NR1D1: variants seen among roughly 807,000 people sequenced by gnomAD.
The protein encoded by NR1D1 is nuclear receptor subfamily 1 group D member 1, also known as Rev-ErbAalpha.
In NR1D1, 17 loss-of-function variants were observed where a neutral mutation model predicts 51.1. The ratio of observed to expected loss-of-function variants is 0.33; its 90% CI spans 0.23 to 0.50. The LOEUF (loss-of-function observed/expected upper bound fraction) is 0.50, where lower values mean the gene tolerates loss of function less well. Among genes scored for constraint, NR1D1 ranks in the 20% least tolerant of loss-of-function variants. The pLI is 0.98. For synonymous variants in NR1D1, 341 were observed against 333.4 expected (o/e 1.02, Z -0.25); for missense variants, 647 against 830.4 (o/e 0.78, Z 2.71).
At chr17:40,098,687 T>C (rs1386733521) in intron 1 of NR1D1, among the ~76,000 whole-genome samples, 2 of 152,112 alleles carry the variant, frequency 1.3e-5, no homozygotes, top group African/African-American at 4.8e-5. Flanking sequence ...TTTTCCTTTC[T>C]GTGAGAAAAA....
At chr17:40,099,889 T>C (rs1987842923) in intron 1 of NR1D1, among the ~76,000 whole-genome samples, 175 bp downstream of exon 1, 2 of 151,956 alleles carry the variant, frequency 1.3e-5, no homozygotes, top group African/African-American at 4.8e-5. Flanking sequence ...TCTGAGAGCA[T>C]TTCCAGCCCG....
At chr17:40,096,184 G>C in intron 4 of NR1D1, 97 bp from the exon 5 acceptor site, 2 of 1,499,630 alleles carry the variant, frequency 1.3e-6, no homozygotes, top group South Asian at 1.3e-5. Context: ...CTGAAGGCTT[G>C]GGGTTTCACA....
chr17:40,097,186 G>A lies in NR1D1; in HGVS notation c.249C>T (p.Ser83=), dbSNP rs1213267814. 5 of 1,611,750 alleles carry A rather than the reference G, an allele frequency of 3.1e-6. No homozygotes were observed. Among genetic ancestry groups the A allele is most frequent in the African/African-American group, 1.3e-5 (1 of 74,886 alleles). Residue 83 remains serine, a synonymous_variant, in exon 2 of 8, where the codon TCC becomes TCT. Transcript: ENST00000246672. ...AGGAGGATGACGACGAGGAAGATGA[G>A]GAAGAAGGGGAGCCGTCATCACTCA... ...PSLSDDGSPS[S]SSSSSSSSSS...
intron 1 of NR1D1, among the ~76,000 whole-genome samples, chr17:40,098,503 GT>G (rs1987808108): frequency 6.6e-6 from 1 of 152,210 alleles, no homozygotes; most frequent in African/African-American, 2.4e-5. Context: ...TTAGTTGGCA[GT>G]AAATGAAGTT....
rs200489017 is a variant in NR1D1, at chr17:40,096,496, C to T, written c.551G>A (p.Arg184His). The change falls in exon 4 of 8, where the codon CGC becomes CAC. Residue 184 changes from arginine to histidine, a missense_variant. By Grantham distance (29) the Arg-to-His change is conservative. Around this residue, in one of 7 missense-constraint regions of NR1D1, gnomAD observed 70 missense variants for 134.8 expected, o/e 0.52. Transcript: ENST00000246672. The stretch of plus-strand genomic sequence containing the variant: ...CTTCTTGAAGCGACATTGCTGGCAG[C>T]GGTTGCGATTGATGCGGACGATGGA... The part of the protein sequence containing the change: ...NCSIVRINRN[R>H]CQQCRFKKCL... 4 of 1,614,236 alleles carry T rather than the reference C, an allele frequency of 2.5e-6. No individual in the cohort carries two copies. The highest frequency in any genetic ancestry group is 2.2e-5 in the East Asian group (1 of 44,886).
Position 40,093,384 on chromosome 17 carries a change from G to A in NR1D1, c.1646-102C>T. 3 of 1,609,232 alleles carry A rather than the reference G, an allele frequency of 1.9e-6. No homozygotes were observed. Among genetic ancestry groups the A allele is most frequent in the Middle Eastern group, 1.8e-4 (1 of 5,570 alleles). On this transcript the variant is annotated intron_variant, in intron 7 of 7. Transcript: ENST00000246672. This position sits in a 1 kb window ranked among gnomAD's most constrained non-coding sequence, Gnocchi z 5.9. Reference sequence around the variant, plus strand: ...GCAGGCAATGCAGCCTCTCCCTGAAGCCCCCCAGAAGGCCGATGGGGAAGG... The same window carrying A: ...GCAGGCAATGCAGCCTCTCCCTGAAACCCCCCAGAAGGCCGATGGGGAAGG...
At chr17:40,100,002 G>A in intron 1 of NR1D1, 62 bp downstream of exon 1, 1 of 1,209,986 alleles carries the variant, frequency 8.3e-7, no homozygotes, top group Middle Eastern at 1.9e-4. Flanking sequence ...CTTTTTATAA[G>A]GCGTAGATGG....
chr17:40,099,459 G>A (rs1211181408), intron 1 of NR1D1, among the ~76,000 whole-genome samples: 1 of 152,092 alleles, frequency 6.6e-6, no homozygotes, highest in Non-Finnish European at 1.5e-5. Context: ...CGGCTCTAGA[G>A]CCATGTGAGC....
At position 40,095,891 on chromosome 17, in the gene NR1D1, G is replaced by C. The variant is rs780186699; in HGVS notation, c.801C>G (p.Ser267=). Residue 267 remains serine, a synonymous_variant, in exon 5 of 8, where the codon TCC becomes TCG. Transcript: ENST00000246672. Reference sequence around the variant, plus strand: ...GAGGCGTCAGCTGTTGTGGAAACTGGGAGAAGCCCACCAGGGGTGAGGGGA... The same window carrying C: ...GAGGCGTCAGCTGTTGTGGAAACTGCGAGAAGCCCACCAGGGGTGAGGGGA... ...APVPSPLVGF[S]QFPQQLTPPR... is the part of the protein sequence containing the mutation. 3.1e-6 allele frequency: 5 copies of C among 1,613,372 alleles called. No individual in the cohort carries two copies. In the African/African-American group the frequency reaches 5.3e-5, roughly 17 times the overall value.
In NR1D1 at chr17:40,095,541, T is replaced by A; in HGVS notation, c.1151A>T (p.Asn384Ile). Residue 384 changes from asparagine (N) to isoleucine (I), a missense_variant, in exon 5 of 8, where the codon AAC becomes ATC. Physicochemically the swap from Asn to Ile is moderately radical, Grantham distance 149 (BLOSUM62 -3). Transcript: ENST00000246672. ...GTGGGTGGGGCATAGACGGTGCCCG[T>A]TGCTGTTGGACTGGTGGCAGCTGTG... The part of the protein sequence containing the change: ...AHHSCHQSNS[N>I]GHRLCPTHVY... 1.2e-6 allele frequency: 2 copies of A among 1,604,348 alleles called. No individual in the cohort carries two copies. The highest frequency in any genetic ancestry group is 1.7e-6 in the Non-Finnish European group (2 of 1,174,460).
intron 5 of NR1D1, 104 bp from the exon 6 acceptor site, chr17:40,095,224 G>T: frequency 8.0e-7 from 1 of 1,256,296 alleles, no homozygotes; most frequent in Non-Finnish European, 1.1e-6. Flanking sequence ...TAGGGGCTGT[G>T]GCCCTGAAGG....
At position 40,100,498 on chromosome 17, in the gene NR1D1, G is replaced by A. The variant is rs202138327; in HGVS notation, c.-404C>T. 2.2e-6 allele frequency: 1 copy of A among 456,234 alleles called. No homozygotes were observed. Among genetic ancestry groups the A allele is most frequent in the Non-Finnish European group, 3.9e-6 (1 of 257,752 alleles). The allele number at this position is 456,234 out of a possible 1,614,324, so 28.3% of individuals were successfully genotyped here. Reference sequence around the variant, plus strand: ...GAGGAAGAGAGGTTGCAACCAGGAAGTAAGTAGGTGATGGGGAGAAACGGG... The same window carrying A: ...GAGGAAGAGAGGTTGCAACCAGGAAATAAGTAGGTGATGGGGAGAAACGGG... On this transcript the variant is annotated 5_prime_UTR_variant, in exon 1 of 8. Coordinates refer to ENST00000246672, the MANE Select transcript of NR1D1 (RefSeq NM_021724.5).
rs1312972924 is a variant in NR1D1, at chr17:40,094,056, T to C, written c.1501A>G (p.Thr501Ala). The C allele has an allele frequency of 6.2e-6, 10 of 1,613,844 alleles. No individual in the cohort carries two copies. The highest frequency in any genetic ancestry group is 6.8e-6 in the Non-Finnish European group (8 of 1,180,002). The change falls in exon 7 of 8, where the codon ACC (threonine) becomes GCC (alanine). Residue 501 changes from threonine to alanine, a missense_variant. Physicochemically the swap from Thr to Ala is moderately conservative, Grantham distance 58. This residue lies in a region of NR1D1 where 155 missense variants were observed against 236.8 expected (regional missense o/e 0.65). Coordinates refer to ENST00000246672, the MANE Select transcript of NR1D1 (RefSeq NM_021724.5). Reference protein sequence around the residue: ...KDQTVMFLSRTTYSLQELGAM... With the variant: ...KDQTVMFLSRATYSLQELGAM... ...CCAAGCTCCTGCAGGCTGTAGGTGGTGCGGCTTAGGAACATCACTGTCTGG... is the reference window on the plus strand; with the variant it reads ...CCAAGCTCCTGCAGGCTGTAGGTGGCGCGGCTTAGGAACATCACTGTCTGG...
chr17:40,092,947 G>C lies in NR1D1; in HGVS notation c.*136C>G. On this transcript the variant is annotated 3_prime_UTR_variant, in exon 8 of 8. Transcript: ENST00000246672. ...ATTTACAAGAAGGCTCAGGGGGCCA[G>C]AGGCTCATCTTGGAATATTTTATAA... The C allele has an allele frequency of 1.3e-6, 2 of 1,546,610 alleles. No individual in the cohort carries two copies. Among genetic ancestry groups the C allele is most frequent in the Non-Finnish European group, 1.7e-6 (2 of 1,145,280 alleles).
At position 40,093,789 on chromosome 17, in the gene NR1D1, G is replaced by T; in HGVS notation, c.1645+123C>A. 1 of 827,782 alleles carries T rather than the reference G, an allele frequency of 1.2e-6. No homozygotes were observed. The highest frequency in any genetic ancestry group is 1.9e-6 in the Non-Finnish European group (1 of 520,278). The allele number at this position is 827,782 out of a possible 1,614,324, so 51.3% of individuals were successfully genotyped here. A position where few individuals can be genotyped will look rare whatever the true frequency, so the allele number is the denominator to read the frequency against. ...CTGTTTCCCAAGCTAGACTGTGTCTGAATCATGTCTGTATCCCCAGTGCCC... is the reference window on the plus strand; with the variant it reads ...CTGTTTCCCAAGCTAGACTGTGTCTTAATCATGTCTGTATCCCCAGTGCCC... On this transcript the variant is annotated intron_variant, in intron 7 of 7. Transcript: ENST00000246672. This position sits in a 1 kb window ranked among gnomAD's most constrained non-coding sequence, Gnocchi z 5.9.
In NR1D1 at chr17:40,093,616, G is replaced by A; in HGVS notation, c.1645+296C>T. 2.8e-6 allele frequency: 2 copies of A among 709,854 alleles called. No homozygotes were observed. Among genetic ancestry groups the A allele is most frequent in the East Asian group, 2.7e-5 (1 of 36,756 alleles). The allele number at this position is 709,854 out of a possible 1,614,324, so 44.0% of individuals were successfully genotyped here. ...ATGCCCTTCCCCCTTTCTCTGCCTG[G>A]CAACATCTTACTTGTCCTTTGAGGC... is the stretch of plus-strand genomic sequence containing the variant. On this transcript the variant is annotated intron_variant, in intron 7 of 7. Transcript: ENST00000246672. The surrounding 1 kb of genome is among the most constrained non-coding windows in gnomAD (Gnocchi z 5.9).
In NR1D1 at chr17:40,092,793, T is replaced by C; in HGVS notation, c.*290A>G. On this transcript the variant is annotated 3_prime_UTR_variant, in exon 8 of 8. Coordinates refer to ENST00000246672, the MANE Select transcript of NR1D1 (RefSeq NM_021724.5). Reference sequence around the variant, plus strand: ...ACGAGCACACACCACAGAAGCCAGCTCAGCTGTGAACTATTGGATTTGAGA... The same window carrying C: ...ACGAGCACACACCACAGAAGCCAGCCCAGCTGTGAACTATTGGATTTGAGA... 6.1e-6 allele frequency: 3 copies of C among 491,694 alleles called. No individual in the cohort carries two copies. Among genetic ancestry groups the C allele is most frequent in the Non-Finnish European group, 6.5e-6 (2 of 307,628 alleles). The allele number at this position is 491,694 out of a possible 1,614,324, so 30.5% of individuals were successfully genotyped here. A position where few individuals can be genotyped will look rare whatever the true frequency, so the allele number is the denominator to read the frequency against.
At position 40,097,446 on chromosome 17, in the gene NR1D1, C is replaced by G. The variant is rs758992195; in HGVS notation, c.32-43G>C. 5 of 1,510,190 alleles carry G rather than the reference C, an allele frequency of 3.3e-6. No individual in the cohort carries two copies. The African/African-American group carries it at 6.9e-5, about 21-fold the overall frequency. 93.5% of individuals were successfully genotyped at this position (1,510,190 alleles called of 1,614,324 possible). A position where few individuals can be genotyped will look rare whatever the true frequency, so the allele number is the denominator to read the frequency against. On this transcript the variant is annotated intron_variant, in intron 1 of 7. Transcript: ENST00000246672. ...GGAAAGGGGGTGTCAGCCGCCATGTCTCCGGACCTAGGGTGCCACTGTGCT... is the reference window on the plus strand; with the variant it reads ...GGAAAGGGGGTGTCAGCCGCCATGTGTCCGGACCTAGGGTGCCACTGTGCT...
intron 1 of NR1D1, among the ~76,000 whole-genome samples, chr17:40,098,481 G>C (rs1184939530): frequency 1.3e-5 from 2 of 152,172 alleles, no homozygotes; most frequent in African/African-American, 4.8e-5. Context: ...GCTGAGGTGG[G>C]GGATGGAATC....
Sources: gnomAD v4.1 joint callset for allele counts (sites outside exome capture counted in the v4.1 genomes callset) on GRCh38, gnomAD v4.1.1 for gene constraint, gnomAD v4.1.1 regional missense constraint, Gnocchi (gnomAD v3.1) non-coding constraint, MANE v1.5 for transcripts, NCBI Gene and HGNC (gene_info 2026-07-23, HGNC 2026-07-21) for gene names.